The following SNX22 variants were observed in gnomAD, a reference collection of about 807,000 sequenced individuals.
SNX22 encodes sorting nexin-22.
In SNX22, 23 loss-of-function variants were observed where a neutral mutation model predicts 24.7. That is an observed-to-expected ratio of 0.93 (90% CI 0.67 to 1.32). The LOEUF (loss-of-function observed/expected upper bound fraction) is 1.32. SNX22 is among the 40% of genes most tolerant of loss of function. The probability of loss-of-function intolerance (pLI) is 0.00; values close to 1 mark genes in which losing one functional copy is unlikely to be tolerated. For synonymous variants in SNX22, 99 were observed against 104.0 expected, an observed-to-expected ratio of 0.95 and a Z score of 0.29; for missense variants, 261 against 249.9, an observed-to-expected ratio of 1.04 and a Z score of -0.30.
In SNX22 at chr15:64,153,685, G is replaced by A. The variant is rs2081504026; in HGVS notation, c.392+1G>A. The A allele has an allele frequency of 4.3e-6, 7 of 1,613,914 alleles. No homozygotes were observed. Among genetic ancestry groups the A allele is most frequent in the Admixed American group, 1.7e-5 (1 of 59,994 alleles). On this transcript the variant is annotated splice_donor_variant, in intron 5 of 6. Transcript: ENST00000325881. LOFTEE classifies it high-confidence loss of function. ...GGGAGTTCCTGCCTGGCGACAGCAG[G>A]CAAGTCAAAGCCCTAGCCCGCGCTT... is the stretch of plus-strand genomic sequence containing the variant.
In SNX22 at chr15:64,153,942, C is replaced by A; in HGVS notation, c.400C>A (p.Gln134Lys). ...EFLPGDSSSQQHQRPVLSFHV... is the reference protein window; with the variant it reads ...EFLPGDSSSQKHQRPVLSFHV... ...GACCCTGTTTCCTCCCAGCTCCCAG[C>A]AGCACCAGCGGCCTGTCCTGAGCTT... The change falls in exon 6 of 7, where the codon CAG becomes AAG. Residue 134 changes from glutamine (Q) to lysine (K), a missense_variant. Transcript: ENST00000325881. 6.2e-7 allele frequency: 1 copy of A among 1,612,372 alleles called. No homozygotes were observed. The highest frequency in any genetic ancestry group is 1.7e-5 in the Admixed American group (1 of 59,944).
At position 64,156,737 on chromosome 15, in the gene SNX22, A is replaced by C; in HGVS notation, c.*2229A>C. Reference sequence around the variant, plus strand: ...TTCCACAACTCACCATGCCCTCTAGAACTTTGCCAAACACCACATGCTTGC... The same window carrying C: ...TTCCACAACTCACCATGCCCTCTAGCACTTTGCCAAACACCACATGCTTGC... On this transcript the variant is annotated 3_prime_UTR_variant, in exon 7 of 7. Coordinates refer to ENST00000325881, the MANE Select transcript of SNX22 (RefSeq NM_024798.3). The surrounding 1 kb of genome is among the most constrained non-coding windows in gnomAD (Gnocchi z 6.4). 1 of 1,614,094 alleles carries C rather than the reference A, an allele frequency of 6.2e-7. No individual in the cohort carries two copies. Among genetic ancestry groups the C allele is most frequent in the South Asian group, 1.1e-5 (1 of 91,064 alleles).
chr15:64,156,440 C>T lies in SNX22; in HGVS notation c.*1932C>T. The T allele has an allele frequency of 3.2e-6, 2 of 617,006 alleles. No homozygotes were observed. Among genetic ancestry groups the T allele is most frequent in the Middle Eastern group, 4.3e-4 (1 of 2,304 alleles). 38.2% of individuals were successfully genotyped at this position (617,006 alleles called of 1,614,324 possible). On this transcript the variant is annotated 3_prime_UTR_variant, in exon 7 of 7. Transcript: ENST00000325881. The surrounding 1 kb of genome is among the most constrained non-coding windows in gnomAD (Gnocchi z 6.4). ...TTCTCAGGGACATTGCGTTCAGCTG[C>T]ACTCTGTATACCTCAGGGGTGGGAC...
intron 4 of SNX22, 144 bp downstream of exon 4, chr15:64,153,483 C>CT (rs1403969301): frequency 1.3e-4 from 27 of 211,344 alleles, no homozygotes; most frequent in African/African-American, 1.6e-4. Flanking sequence ...GGTGGAGGGG[C>CT]TTTTTTTTGG....
chr15:64,153,645 T>C lies in SNX22; in HGVS notation c.360-7T>C. The C allele has an allele frequency of 6.2e-7, 1 of 1,614,074 alleles. No individual in the cohort carries two copies. The highest frequency in any genetic ancestry group is 8.5e-7 in the Non-Finnish European group (1 of 1,180,002). ...CAGGCAGCTTACAGTGTTTCTCTTC[T>C]CTTCAGCACCCTGAGGGAGTTCCTG... is the stretch of plus-strand genomic sequence containing the variant. On this transcript the variant is annotated splice_polypyrimidine_tract_variant and splice_region_variant and intron_variant, in intron 4 of 6. Transcript: ENST00000325881.
chr15:64,153,528 G>A, intron 4 of SNX22, 124 bp from the exon 5 acceptor site: 1 of 1,516,554 alleles, frequency 6.6e-7, no homozygotes, highest in Non-Finnish European at 9.1e-7. Context: ...TCCGGAACTG[G>A]GGCTTGTTAC....
rs2081528038 is a variant in SNX22, at chr15:64,156,052, C to T, written c.*1544C>T. ...TCCTTGGCGATGGCAAAGGGCTTCT[C>T]CACCTCGATCTTGCCGCAGTCTGCG... On this transcript the variant is annotated 3_prime_UTR_variant, in exon 7 of 7. Coordinates refer to ENST00000325881, the MANE Select transcript of SNX22 (RefSeq NM_024798.3). The surrounding 1 kb of genome is among the most constrained non-coding windows in gnomAD (Gnocchi z 6.4). 6.2e-7 allele frequency: 1 copy of T among 1,614,086 alleles called. No homozygotes were observed. The highest frequency in any genetic ancestry group is 1.7e-5 in the Admixed American group (1 of 59,996).
At position 64,156,867 on chromosome 15, in the gene SNX22, T is replaced by A. The variant is rs752300639; in HGVS notation, c.*2359T>A. 1 of 1,614,208 alleles carries A rather than the reference T, an allele frequency of 6.2e-7. No homozygotes were observed. On this transcript the variant is annotated 3_prime_UTR_variant, in exon 7 of 7. Coordinates refer to ENST00000325881, the MANE Select transcript of SNX22 (RefSeq NM_024798.3). This position sits in a 1 kb window ranked among gnomAD's most constrained non-coding sequence, Gnocchi z 6.4. ...CCAGCCAGGCCCGTAGTGCTTCAGT[T>A]TGAAGTTCTCATCGGGGAAGCGCTC...
Position 64,152,340 on chromosome 15 carries a change from G to A in SNX22, c.159+14G>A. ...CTGCACAAGCGGGTGAGGCGGCGCC[G>A]ACCTCCCACCGGCCCCGGCCCAGCC... On this transcript the variant is annotated intron_variant, in intron 2 of 6. Coordinates refer to ENST00000325881, the MANE Select transcript of SNX22 (RefSeq NM_024798.3). 1 of 1,505,994 alleles carries A rather than the reference G, an allele frequency of 6.6e-7. No homozygotes were observed. The highest frequency in any genetic ancestry group is 8.8e-7 in the Non-Finnish European group (1 of 1,134,814). The allele number at this position is 1,505,994 out of a possible 1,614,324, so 93.3% of individuals were successfully genotyped here. A position where few individuals can be genotyped will look rare whatever the true frequency, so the allele number is the denominator to read the frequency against.
In SNX22 at chr15:64,151,769, G is replaced by C; in HGVS notation, c.-7G>C. On this transcript the variant is annotated 5_prime_UTR_variant, in exon 1 of 7. Coordinates refer to ENST00000325881, the MANE Select transcript of SNX22 (RefSeq NM_024798.3). ...GAGCGCGCGGAGCAGCTGGGGCCGG[G>C]GCGCGGATGCTGGAAGTTCACATCC... 1 of 1,534,290 alleles carries C rather than the reference G, an allele frequency of 6.5e-7. No individual in the cohort carries two copies. The highest frequency in any genetic ancestry group is 1.2e-5 in the South Asian group (1 of 82,184).
At chr15:64,154,068 G>A (rs1184888156) in intron 6 of SNX22, 66 bp downstream of exon 6, 2 of 1,613,626 alleles carry the variant, frequency 1.2e-6, no homozygotes, top group Middle Eastern at 1.6e-4. Flanking sequence ...TCGGCTCCTG[G>A]GACCCTCAGA....
chr15:64,156,530 C>A lies in SNX22; in HGVS notation c.*2022C>A. ...CAGTTGTGCAGCCTTCCTGGCTGGG[C>A]TCTGAGGGGGCTGGAAGAATTTAGA... On this transcript the variant is annotated 3_prime_UTR_variant, in exon 7 of 7. Coordinates refer to ENST00000325881, the MANE Select transcript of SNX22 (RefSeq NM_024798.3). The surrounding 1 kb of genome is among the most constrained non-coding windows in gnomAD (Gnocchi z 6.4). The A allele has an allele frequency of 1.4e-6, 1 of 737,778 alleles. No individual in the cohort carries two copies. The highest frequency in any genetic ancestry group is 2.3e-6 in the Non-Finnish European group (1 of 431,528). The allele number at this position is 737,778 out of a possible 1,614,324, so 45.7% of individuals were successfully genotyped here. A position where few individuals can be genotyped will look rare whatever the true frequency, so the allele number is the denominator to read the frequency against.
At position 64,155,839 on chromosome 15, in the gene SNX22, AT is replaced by A. The variant is rs376202696; in HGVS notation, c.*1340del. The A allele has an allele frequency of 8.4e-4, 646 of 771,958 alleles. No homozygotes were observed. The highest frequency in any genetic ancestry group is 1.0e-3 in the Non-Finnish European group (500 of 502,340). 47.8% of individuals were successfully genotyped at this position (771,958 alleles called of 1,614,324 possible). A position where few individuals can be genotyped will look rare whatever the true frequency, so the allele number is the denominator to read the frequency against. On this transcript the variant is annotated 3_prime_UTR_variant, in exon 7 of 7. Coordinates refer to ENST00000325881, the MANE Select transcript of SNX22 (RefSeq NM_024798.3). The stretch of plus-strand genomic sequence containing the variant: ...ATATATTAAAAAAAAAAAAACCCAC[AT>A]TTTTTTTTATTGGTCAGTGTTGGTA...
rs1445618613 is a variant in SNX22 at position 64,156,725 on chromosome 15, C to T, written c.*2217C>T. On this transcript the variant is annotated 3_prime_UTR_variant, in exon 7 of 7. Transcript: ENST00000325881. This position sits in a 1 kb window ranked among gnomAD's most constrained non-coding sequence, Gnocchi z 6.4. ...AGTAGCCCTTGCTTCCACAACTCAC[C>T]ATGCCCTCTAGAACTTTGCCAAACA... 6.2e-7 allele frequency: 1 copy of T among 1,614,046 alleles called. No individual in the cohort carries two copies. Among genetic ancestry groups the T allele is most frequent in the Non-Finnish European group, 8.5e-7 (1 of 1,180,042 alleles).
At position 64,154,386 on chromosome 15, in the gene SNX22, G is replaced by T; in HGVS notation, c.461-1G>T. On this transcript the variant is annotated splice_acceptor_variant, in intron 6 of 6. Coordinates refer to ENST00000325881, the MANE Select transcript of SNX22 (RefSeq NM_024798.3). LOFTEE classifies it high-confidence loss of function. ...CAGACCTGTTTAATTCTATCCCACA[G>T]AGTCGCTGCCCAACGTGGTGGTGAA... The T allele has an allele frequency of 3.1e-6, 5 of 1,614,156 alleles. No homozygotes were observed. Among genetic ancestry groups the T allele is most frequent in the Non-Finnish European group, 4.2e-6 (5 of 1,180,030 alleles).
At position 64,153,944 on chromosome 15, in the gene SNX22, G is replaced by A; in HGVS notation, c.402G>A (p.Gln134=). The part of the protein sequence containing the change: ...EFLPGDSSSQ[Q]HQRPVLSFHV... ...CCCTGTTTCCTCCCAGCTCCCAGCA[G>A]CACCAGCGGCCTGTCCTGAGCTTCC... is the stretch of plus-strand genomic sequence containing the variant. The change falls in exon 6 of 7, where the codon CAG becomes CAA. Residue 134 remains glutamine, a synonymous_variant. Coordinates refer to ENST00000325881, the MANE Select transcript of SNX22 (RefSeq NM_024798.3). 6.2e-7 allele frequency: 1 copy of A among 1,612,624 alleles called. No individual in the cohort carries two copies. Among genetic ancestry groups the A allele is most frequent in the Non-Finnish European group, 8.5e-7 (1 of 1,179,360 alleles).
Position 64,152,653 on chromosome 15 carries a change from A to C in SNX22, c.175A>C (p.Lys59Gln), listed in dbSNP as rs771468187. 29 of 1,614,088 alleles carry C rather than the reference A, an allele frequency of 1.8e-5. No homozygotes were observed. The highest frequency in any genetic ancestry group is 2.4e-5 in the Non-Finnish European group (28 of 1,180,040). The change falls in exon 3 of 7, where the codon AAA (lysine) becomes CAA (glutamine). Residue 59 changes from lysine (K) to glutamine (Q), a missense_variant. Transcript: ENST00000325881. ...CCTCCAGTAGATCAAGAAGCTGTAC[A>C]AAGTGCCCGACTTCCCCTCGAAACG... ...ALHKRIKKLY[K>Q]VPDFPSKRLP...
At chr15:64,152,052 G>A in intron 1 of SNX22, 191 bp from the exon 2 acceptor site, 3 of 745,620 alleles carry the variant, frequency 4.0e-6, no homozygotes, top group Non-Finnish European at 6.0e-6. Context: ...GGACCCCAGG[G>A]CTCCGAGGGG....
At chr15:64,152,428 C>A (rs1331112471) in intron 2 of SNX22, 102 bp downstream of exon 2, 1 of 1,314,958 alleles carries the variant, frequency 7.6e-7, no homozygotes, top group South Asian at 1.4e-5. Context: ...CCGCCACCCC[C>A]ATTACTGCCT....
Sources: gnomAD v4.1 joint callset for allele counts on GRCh38, gnomAD v4.1.1 for gene constraint, Gnocchi (gnomAD v3.1) non-coding constraint, MANE v1.5 for transcripts, NCBI Gene and HGNC (gene_info 2026-07-23, HGNC 2026-07-21) for gene names.